TJAP1: variants seen among roughly 807,000 people sequenced by gnomAD.
TJAP1 encodes tight junction-associated protein 1.
TJAP1 carries 27 observed loss-of-function variants against 42.0 expected under a neutral mutation model. The ratio of observed to expected loss-of-function variants is 0.64; its 90% CI spans 0.47 to 0.89. The LOEUF is 0.89. Ranked by LOEUF, TJAP1 falls within the 40% of genes least tolerant of loss-of-function variation. The pLI is 0.00. For synonymous variants in TJAP1, 257 were observed against 288.4 expected (o/e 0.89, Z 1.10); for missense variants, 712 against 726.9 (o/e 0.98, Z 0.24).
Position 43,505,715 on chromosome 6 carries a change from A to G in TJAP1, c.1534A>G (p.Thr512Ala). ...CAGGGGCACAGAGGAGGGGCCAGGC[A>G]CTTCCCACACCGAGGGCAGGGCCTG... is the stretch of plus-strand genomic sequence containing the variant. Residue 512 changes from threonine to alanine, a missense_variant, in exon 11 of 11, where the codon ACT (threonine) becomes GCT (alanine). Around this residue, in one of 3 missense-constraint regions of TJAP1, gnomAD observed 549 missense variants for 528.2 expected, o/e 1.04. Coordinates refer to ENST00000372449, the Ensembl canonical transcript of TJAP1. This position sits in a 1 kb window ranked among gnomAD's most constrained non-coding sequence, Gnocchi z 5.5. 1 of 1,576,880 alleles carries G rather than the reference A, an allele frequency of 6.3e-7. No individual in the cohort carries two copies. Among genetic ancestry groups the G allele is most frequent in the South Asian group, 1.2e-5 (1 of 86,438 alleles).
rs1420046680 is a variant in TJAP1, at chr6:43,492,117, T to A, written c.-121-5764T>A. Among the ~76,000 whole-genome samples the A allele has an allele frequency of 3.9e-5, 6 of 152,300 alleles. No individual in the cohort carries two copies. In the East Asian group the frequency reaches 1.2e-3, roughly 29 times the overall value. The stretch of plus-strand genomic sequence containing the variant: ...TAGCCCCTTGTTCCTGTGAAGTGTT[T>A]GTCTGGATGTGAGGCCAGGTGGATA... On this transcript the variant is annotated intron_variant, in intron 2 of 10. Transcript: ENST00000372449. This position sits in a 1 kb window ranked among gnomAD's most constrained non-coding sequence, Gnocchi z 4.2.
rs1792136533 is a variant in TJAP1 at position 43,505,505 on chromosome 6, C to T, written c.1324C>T (p.Leu442=). The stretch of plus-strand genomic sequence containing the variant: ...CTTTGGACGCGATGCCCTCCCTGAG[C>T]TGCAGCGCCATTTTGCCCATAGCCC... Residue 442 remains leucine (L), a synonymous_variant, in exon 11 of 11, where the codon CTG becomes TTG. Coordinates refer to ENST00000372449, the Ensembl canonical transcript of TJAP1. This position sits in a 1 kb window ranked among gnomAD's most constrained non-coding sequence, Gnocchi z 5.5. 1.2e-6 allele frequency: 2 copies of T among 1,613,924 alleles called. No individual in the cohort carries two copies. The highest frequency in any genetic ancestry group is 1.7e-6 in the Non-Finnish European group (2 of 1,180,024).
intron 2 of TJAP1, among the ~76,000 whole-genome samples, chr6:43,487,437 T>A (rs1786783333): frequency 1.3e-5 from 2 of 152,190 alleles, no homozygotes; most frequent in African/African-American, 4.8e-5. Flanking sequence ...AGAATTGTCC[T>A]GGTATTCCTG....
chr6:43,502,162 T>C, intron 6 of TJAP1, 121 bp from the exon 7 acceptor site: 2 of 887,886 alleles, frequency 2.3e-6, no homozygotes, highest in South Asian at 3.1e-5. Context: ...CTAATTCCTA[T>C]TAGAAAACTG....
chr6:43,500,869 G>C lies in TJAP1; in HGVS notation c.128+97G>C, dbSNP rs532752790. 6.2e-6 allele frequency: 9 copies of C among 1,462,960 alleles called. No homozygotes were observed. In the Middle Eastern group the frequency reaches 1.4e-3, roughly 228 times the overall value. 90.6% of individuals were successfully genotyped at this position (1,462,960 alleles called of 1,614,324 possible). On this transcript the variant is annotated intron_variant, in intron 5 of 10. Transcript: ENST00000372449. Reference sequence around the variant, plus strand: ...TACAGTTGGACTTTCCCTTGGATTAGGTAGAAATAAAGGTTGGGATGGGTT... The same window carrying C: ...TACAGTTGGACTTTCCCTTGGATTACGTAGAAATAAAGGTTGGGATGGGTT...
chr6:43,490,771 A>G (rs1787637013), intron 2 of TJAP1, among the ~76,000 whole-genome samples: 3 of 152,136 alleles, frequency 2.0e-5, no homozygotes, highest in African/African-American at 7.2e-5. Context: ...TAGCCATGAA[A>G]AGCTGGGAAG....
chr6:43,503,899 AGT>A, intron 10 of TJAP1, 193 bp downstream of exon 10: 1 of 714,664 alleles, frequency 1.4e-6, no homozygotes. Context: ...GCCCATCACT[AGT>A]TCTGGGGGGC....
chr6:43,500,759 G>A (rs1301260745), exon 5 of TJAP1: 1 of 1,614,164 alleles, frequency 6.2e-7, no homozygotes, highest in East Asian at 2.2e-5. Context: ...CCTGACTGAT[G>A]CAGAAAGGAT....
intron 2 of TJAP1, among the ~76,000 whole-genome samples, chr6:43,489,094 G>T (rs1005432637): frequency 1.3e-5 from 2 of 152,218 alleles, no homozygotes; most frequent in African/African-American, 4.8e-5. Flanking sequence ...GTGGATATAT[G>T]TGTTGCAGTC....
exon 11 of TJAP1, chr6:43,506,016 C>A: frequency 1.6e-6 from 1 of 641,848 alleles, no homozygotes; most frequent in Non-Finnish European, 2.3e-6. Context: ...CCATGCCAGG[C>A]CTGTCAGCTG....
At chr6:43,504,031 T>G in intron 10 of TJAP1, 1 of 521,024 alleles carries the variant, frequency 1.9e-6, no homozygotes, top group South Asian at 1.7e-5. Flanking sequence ...CTGATCATGT[T>G]ACCCCAAGGG....
At chr6:43,500,656 C>A in intron 4 of TJAP1, 88 bp from the exon 5 acceptor site, 2 of 1,489,892 alleles carry the variant, frequency 1.3e-6, no homozygotes, top group Non-Finnish European at 1.9e-6. Flanking sequence ...GGCTTCACAC[C>A]TGAGCCTTCT....
Position 43,491,266 on chromosome 6 carries a change from A to ATAT in TJAP1, c.-121-6614_-121-6613insATT, listed in dbSNP as rs751414742. 3.0e-4 allele frequency among the ~76,000 whole-genome samples: 45 copies of ATAT among 152,094 alleles called. No individual in the cohort carries two copies. The highest frequency in any genetic ancestry group is 5.1e-4 in the Non-Finnish European group (35 of 67,998). ...AGACCAAAGTTGGTGGGGGATATCCATGTTGACCAGAAATATCTGTTTGTT... is the reference window on the plus strand; with the variant it reads ...AGACCAAAGTTGGTGGGGGATATCCATATTGTTGACCAGAAATATCTGTTTGTT... On this transcript the variant is annotated intron_variant, in intron 2 of 10. Transcript: ENST00000372449. This position sits in a 1 kb window ranked among gnomAD's most constrained non-coding sequence, Gnocchi z 4.6.
intron 2 of TJAP1, among the ~76,000 whole-genome samples, chr6:43,482,779 T>C (rs1785577693): frequency 1.3e-5 from 2 of 152,198 alleles, no homozygotes; most frequent in African/African-American, 2.4e-5. Context: ...CAGCAGTCTC[T>C]TCTCACACCA....
At chr6:43,486,324 G>A (rs1786500629) in intron 2 of TJAP1, among the ~76,000 whole-genome samples, 1 of 149,690 alleles carries the variant, frequency 6.7e-6, no homozygotes, top group African/African-American at 2.5e-5. Flanking sequence ...TAAAGGAGGA[G>A]GTGAGTACGT....
chr6:43,486,314 T>A (rs1786499245), intron 2 of TJAP1, among the ~76,000 whole-genome samples: 1 of 149,894 alleles, frequency 6.7e-6, no homozygotes, highest in African/African-American at 2.5e-5. Context: ...GAAAGGGGGT[T>A]AAAGGAGGAG....
Position 43,502,263 on chromosome 6 carries a change from C to T in TJAP1, c.291-20C>T. On this transcript the variant is annotated intron_variant, in intron 6 of 10. Coordinates refer to ENST00000372449, the Ensembl canonical transcript of TJAP1. The stretch of plus-strand genomic sequence containing the variant: ...ACAGGATCTTGACCCAGGGATGTGC[C>T]TTGTATTATCCCTTTTCAGGCTGCA... 6.2e-7 allele frequency: 1 copy of T among 1,613,778 alleles called. No homozygotes were observed. The highest frequency in any genetic ancestry group is 2.2e-5 in the East Asian group (1 of 44,874).
Position 43,502,076 on chromosome 6 carries a change from A to ACACACACACTCTCTCTCTCT in TJAP1, c.291-206_291-205insACACACACTCTCTCTCTCTC, listed in dbSNP as rs767085594. 2.9e-5 allele frequency among the ~76,000 whole-genome samples: 2 copies of ACACACACACTCTCTCTCTCT among 68,956 alleles called. 1 individual carries two copies. Among genetic ancestry groups the ACACACACACTCTCTCTCTCT allele is most frequent in the African/African-American group, 1.5e-4 (2 of 13,116 alleles). The allele number at this position is 68,956 out of a possible 152,430, so 45.2% of individuals were successfully genotyped here. On this transcript the variant is annotated intron_variant, in intron 6 of 10. Coordinates refer to ENST00000372449, the Ensembl canonical transcript of TJAP1. Reference sequence around the variant, plus strand: ...CACACACACACACACACACACACACACTCTCTCTCTCTCTCTCTCTCTCTC... The same window carrying ACACACACACTCTCTCTCTCT: ...CACACACACACACACACACACACACACACACACACTCTCTCTCTCTCTCTCTCTCTCTCTCTCTCTCTCTC...
intron 5 of TJAP1, 140 bp from the exon 6 acceptor site, chr6:43,501,386 G>C: frequency 1.3e-6 from 1 of 752,882 alleles, no homozygotes; most frequent in Non-Finnish European, 2.2e-6. Flanking sequence ...CTTAGACTCA[G>C]ACTAAGACTC....
Sources: gnomAD v4.1 joint callset for allele counts (sites outside exome capture counted in the v4.1 genomes callset) on GRCh38, gnomAD v4.1.1 for gene constraint, gnomAD v4.1.1 regional missense constraint, Gnocchi (gnomAD v3.1) non-coding constraint, MANE v1.5 for transcripts, NCBI Gene and HGNC (gene_info 2026-07-23, HGNC 2026-07-21) for gene names.